CCNY: variants seen among roughly 807,000 people sequenced by gnomAD.
CCNY encodes cyclin Y, also known as cyclin-Y.
A neutral mutation model predicts 42.8 loss-of-function variants in CCNY; 19 were observed. The observed-to-expected ratio is 0.44, with a 90% confidence interval of 0.31 to 0.65. The LOEUF is 0.65. Ranked by LOEUF, CCNY falls within the 30% of genes least tolerant of loss-of-function variation. The probability of loss-of-function intolerance (pLI) is 0.07; values close to 1 mark genes in which losing one functional copy is unlikely to be tolerated. For missense variants in CCNY, 370 were observed against 437.3 expected (o/e 0.85, Z 1.37); for synonymous variants, 165 against 162.7 (o/e 1.01, Z -0.11).
intron 1 of CCNY, among the ~76,000 whole-genome samples, chr10:35,357,868 T>A (rs530524675): frequency 6.6e-6 from 1 of 151,706 alleles, no homozygotes; most frequent in Non-Finnish European, 1.5e-5. Context: ...TCTCATCATT[T>A]ATATATTGAT....
At chr10:35,325,894 C>A (rs1835874567) in intron 3 of CCNY, among the ~76,000 whole-genome samples, 1 of 151,968 alleles carries the variant, frequency 6.6e-6, no homozygotes, top group Non-Finnish European at 1.5e-5. Flanking sequence ...GCCTGGGCAA[C>A]ATAGCAAGAC....
chr10:35,497,574 C>T (rs770329871), intron 2 of CCNY, among the ~76,000 whole-genome samples: 3 of 151,940 alleles, frequency 2.0e-5, no homozygotes, highest in Non-Finnish European at 2.9e-5. Context: ...CCTGTCTCTA[C>T]TAAAAAATAC....
At chr10:35,521,459 T>A (rs1840544701) in intron 4 of CCNY, among the ~76,000 whole-genome samples, 1 of 152,174 alleles carries the variant, frequency 6.6e-6, no homozygotes. Flanking sequence ...GGTTAATTGA[T>A]CTGGTTAGCC....
chr10:35,258,014 C>A (rs1340361214), intron 3 of CCNY, among the ~76,000 whole-genome samples: 1 of 152,170 alleles, frequency 6.6e-6, no homozygotes, highest in African/African-American at 2.4e-5. Flanking sequence ...CTGCTCAAAT[C>A]TGCCTTTGAA....
chr10:35,406,790 T>A (rs917105617), intron 1 of CCNY, among the ~76,000 whole-genome samples: 3 of 151,902 alleles, frequency 2.0e-5, no homozygotes, highest in Non-Finnish European at 4.4e-5. Context: ...GGCTCCTCAC[T>A]TCCCAGTAGG....
chr10:35,468,528 C>A (rs1432671689), intron 1 of CCNY, among the ~76,000 whole-genome samples: 2 of 152,118 alleles, frequency 1.3e-5, no homozygotes, highest in African/African-American at 4.8e-5. Flanking sequence ...TTTTTCACCA[C>A]TGTGCACAAA....
At chr10:35,410,352 A>G (rs1273858290) in intron 1 of CCNY, among the ~76,000 whole-genome samples, 1 of 152,184 alleles carries the variant, frequency 6.6e-6, no homozygotes, top group African/African-American at 2.4e-5. Flanking sequence ...TTGGCATGCC[A>G]GCATGAAACC....
intron 3 of CCNY, among the ~76,000 whole-genome samples, chr10:35,291,389 A>C (rs1180066257): frequency 6.6e-6 from 1 of 152,008 alleles, no homozygotes; most frequent in South Asian, 2.1e-4. Flanking sequence ...TTAGTACATT[A>C]TTTCTTTTTA....
At chr10:35,293,699 T>A (rs1835439984) in intron 3 of CCNY, among the ~76,000 whole-genome samples, 1 of 152,176 alleles carries the variant, frequency 6.6e-6, no homozygotes, top group African/African-American at 2.4e-5. Flanking sequence ...TATTCCTTAG[T>A]ATCACTTTTT....
intron 5 of CCNY, among the ~76,000 whole-genome samples, chr10:35,526,492 G>GA (rs888367572): frequency 1.3e-5 from 2 of 151,606 alleles, no homozygotes. Context: ...AACAGGGAGT[G>GA]AAAAAAAACT....
intron 3 of CCNY, among the ~76,000 whole-genome samples, chr10:35,271,093 C>T (rs1259213388): frequency 2.6e-5 from 4 of 152,110 alleles, no homozygotes; most frequent in African/African-American, 4.8e-5. Flanking sequence ...TTAGAAGTCA[C>T]GCTCTGTTAT....
rs368816110 is a variant in CCNY, at chr10:35,563,969, C to T, written c.747-2054C>T. 1.7e-4 allele frequency among the ~76,000 whole-genome samples: 26 copies of T among 151,778 alleles called. No individual in the cohort carries two copies. The South Asian group carries it at 3.5e-3, about 21-fold the overall frequency. On this transcript the variant is annotated intron_variant, in intron 8 of 9. Coordinates refer to ENST00000374704, the MANE Select transcript of CCNY (RefSeq NM_145012.6). The stretch of plus-strand genomic sequence containing the variant: ...TTGGCTCGCTTCAACCTCCACCTCC[C>T]GGGTTCAAGTGATTCCCCTGCCTCA...
intron 1 of CCNY, among the ~76,000 whole-genome samples, chr10:35,376,126 T>C (rs923387468): frequency 2.6e-5 from 4 of 152,156 alleles, no homozygotes; most frequent in Non-Finnish European, 1.5e-5. Context: ...TATCTCAGCA[T>C]CCCTCAACCT....
chr10:35,363,643 G>A (rs539209632), intron 1 of CCNY, among the ~76,000 whole-genome samples: 24 of 152,312 alleles, frequency 1.6e-4, no homozygotes, highest in Admixed American at 3.9e-4. Flanking sequence ...ATTGGAAAGG[G>A]AGTTGTAGAA....
At chr10:35,438,165 T>C (rs952653630) in intron 1 of CCNY, among the ~76,000 whole-genome samples, 12 of 151,354 alleles carry the variant, frequency 7.9e-5, no homozygotes, top group Admixed American at 2.0e-4. Flanking sequence ...TTTTTTTTTT[T>C]CTGAGGCAAG....
intron 1 of CCNY, among the ~76,000 whole-genome samples, chr10:35,431,956 G>T (rs34561883): frequency 0.28 from 42,207 of 152,030 alleles, 6,146 homozygotes; most frequent in East Asian, 0.34. Flanking sequence ...AGTTTATAAG[G>T]TATTCAGTTC....
At chr10:35,539,684 G>A (rs768015082) in intron 7 of CCNY, among the ~76,000 whole-genome samples, 1 of 152,196 alleles carries the variant, frequency 6.6e-6, no homozygotes, top group Non-Finnish European at 1.5e-5. Context: ...CTACTCGGGA[G>A]GCTGAGGCAG....
At chr10:35,480,714 C>A (rs960570058) in intron 1 of CCNY, among the ~76,000 whole-genome samples, 1 of 152,150 alleles carries the variant, frequency 6.6e-6, no homozygotes, top group South Asian at 2.1e-4. Flanking sequence ...CCTGTAATCC[C>A]CCAGCACTTT....
intron 3 of CCNY, among the ~76,000 whole-genome samples, chr10:35,272,286 C>CT (rs771994509): frequency 2.3e-3 from 314 of 139,430 alleles, no homozygotes; most frequent in Middle Eastern, 3.8e-3. Context: ...TGTGCCTGGC[C>CT]TTTTTTTTTT....
Sources: gnomAD v4.1 joint callset for allele counts (sites outside exome capture counted in the v4.1 genomes callset) on GRCh38, gnomAD v4.1.1 for gene constraint, MANE v1.5 for transcripts, NCBI Gene and HGNC (gene_info 2026-07-23, HGNC 2026-07-21) for gene names.